Variants in GRM8 observed in about 807,000 individuals in gnomAD.
The protein encoded by GRM8 is glutamate metabotropic receptor 8.
Under a neutral mutation model 87.2 loss-of-function variants are expected in GRM8, and 47 were observed. The observed-to-expected ratio is 0.54, with a 90% confidence interval of 0.43 to 0.69. The LOEUF (loss-of-function observed/expected upper bound fraction) is 0.69. GRM8 is among the 30% of genes least tolerant of loss of function. GRM8 has a pLI of 0.00. For synonymous variants in GRM8, 396 were observed against 404.5 expected, an observed-to-expected ratio of 0.98 and a Z score of 0.25; for missense variants, 1,019 against 1,139.2, an observed-to-expected ratio of 0.89 and a Z score of 1.52.
chr7:126,674,439 C>T (rs776004964), intron 7 of GRM8, among the ~76,000 whole-genome samples: 1 of 152,184 alleles, frequency 6.6e-6, no homozygotes, highest in Non-Finnish European at 1.5e-5. Context: ...ATACTCAAAG[C>T]ATCTTAATAG....
chr7:126,845,944 T>A (rs1796679437), intron 6 of GRM8, among the ~76,000 whole-genome samples: 2 of 151,836 alleles, frequency 1.3e-5, no homozygotes, highest in Non-Finnish European at 2.9e-5. Context: ...TGGGGCTAGA[T>A]GGAGTTTGGG....
intron 7 of GRM8, among the ~76,000 whole-genome samples, chr7:126,739,515 C>CT (rs1814690170): frequency 6.6e-6 from 1 of 151,964 alleles, no homozygotes; most frequent in Admixed American, 6.6e-5. Context: ...TTTGATAAGA[C>CT]CACGGTGTTA....
chr7:127,149,709 T>C (rs554872595), intron 2 of GRM8, among the ~76,000 whole-genome samples: 1 of 151,932 alleles, frequency 6.6e-6, no homozygotes, highest in Admixed American at 6.6e-5. Context: ...GGTACAAATA[T>C]ACAATGGAAT....
chr7:126,850,988 T>G (rs532587967), intron 6 of GRM8, among the ~76,000 whole-genome samples: 7 of 152,144 alleles, frequency 4.6e-5, no homozygotes, highest in Admixed American at 3.3e-4. Flanking sequence ...CTAGTTCTTA[T>G]AGCCATGAAT....
chr7:126,751,698 T>A (rs1416606901), intron 7 of GRM8, among the ~76,000 whole-genome samples: 2 of 152,110 alleles, frequency 1.3e-5, no homozygotes, highest in Non-Finnish European at 2.9e-5. Context: ...ATAGTGAAAA[T>A]TCATAAACTA....
chr7:126,735,730 A>G (rs1008737280), intron 7 of GRM8, among the ~76,000 whole-genome samples: 1 of 152,058 alleles, frequency 6.6e-6, no homozygotes, highest in African/African-American at 2.4e-5. Flanking sequence ...AAGAAAACAC[A>G]AAGACTCTTT....
intron 6 of GRM8, among the ~76,000 whole-genome samples, chr7:126,801,053 T>C (rs981804001): frequency 6.6e-6 from 1 of 152,050 alleles, no homozygotes; most frequent in South Asian, 2.1e-4. Flanking sequence ...AGCTTATAAA[T>C]AGGATATTCA....
intron 7 of GRM8, among the ~76,000 whole-genome samples, chr7:126,696,979 CT>C (rs1333792957): frequency 6.6e-6 from 1 of 151,810 alleles, no homozygotes; most frequent in Non-Finnish European, 1.5e-5. Context: ...CTAAGTGTCC[CT>C]CAAGGGATGA....
chr7:126,500,325 T>C (rs145823981), intron 9 of GRM8, among the ~76,000 whole-genome samples: 10 of 152,124 alleles, frequency 6.6e-5, no homozygotes, highest in East Asian at 5.8e-4. Context: ...TTCTTGTTAG[T>C]TGGATTTCTG....
At chr7:127,245,421 C>A (rs1798536044) in intron 1 of GRM8, among the ~76,000 whole-genome samples, 2 of 152,164 alleles carry the variant, frequency 1.3e-5, no homozygotes, top group Admixed American at 6.5e-5. Context: ...ACCAAGCCAT[C>A]CCCCAAGTAC....
At chr7:127,216,312 A>G (rs1796524982) in intron 2 of GRM8, among the ~76,000 whole-genome samples, 1 of 151,920 alleles carries the variant, frequency 6.6e-6, no homozygotes, top group East Asian at 1.9e-4. Context: ...AGGTCAGGAG[A>G]TTCAGACCAT....
At chr7:127,024,249 T>C (rs1284442893) in intron 3 of GRM8, among the ~76,000 whole-genome samples, 1 of 152,110 alleles carries the variant, frequency 6.6e-6, no homozygotes, top group Non-Finnish European at 1.5e-5. Flanking sequence ...TTAATTAATA[T>C]GCCTGGCCCA....
In GRM8 at chr7:126,564,932, A is replaced by G. The variant is rs576518555; in HGVS notation, c.1495-31045T>C. Among the ~76,000 whole-genome samples, 281 of 152,346 alleles carry G rather than the reference A, an allele frequency of 1.8e-3. 1 individual carries two copies. The highest frequency in any genetic ancestry group is 6.8e-3 in the Middle Eastern group (2 of 294). On this transcript the variant is annotated intron_variant, in intron 8 of 10. Coordinates refer to ENST00000339582, the MANE Select transcript of GRM8 (RefSeq NM_000845.3). ...CAAGGATGGCAACATATGAAAATCA[A>G]TTAATCATTAATAAAGGATAAAAAT...
intron 9 of GRM8, among the ~76,000 whole-genome samples, chr7:126,446,840 T>C (rs1303328322): frequency 6.6e-6 from 1 of 151,970 alleles, no homozygotes; most frequent in Non-Finnish European, 1.5e-5. Context: ...ACACCTGTGC[T>C]TGAATAATGC....
intron 6 of GRM8, among the ~76,000 whole-genome samples, chr7:126,841,027 C>T (rs1446399268): frequency 1.3e-5 from 2 of 152,228 alleles, no homozygotes; most frequent in South Asian, 2.1e-4. Flanking sequence ...CATGCATTGG[C>T]AGTATGCCAG....
chr7:126,915,040 G>A (rs899049818), intron 3 of GRM8, among the ~76,000 whole-genome samples: 2 of 152,228 alleles, frequency 1.3e-5, no homozygotes, highest in African/African-American at 4.8e-5. Context: ...ATCTGGAGGT[G>A]GATCGGGTCT....
At chr7:127,074,604 A>G (rs181039918) in intron 3 of GRM8, among the ~76,000 whole-genome samples, 7 of 152,298 alleles carry the variant, frequency 4.6e-5, no homozygotes, top group Admixed American at 2.0e-4. Flanking sequence ...ATTTTCAGAC[A>G]TGCCTCTCGA....
At chr7:126,460,719 A>G (rs558644446) in intron 9 of GRM8, among the ~76,000 whole-genome samples, 1 of 151,732 alleles carries the variant, frequency 6.6e-6, no homozygotes, top group South Asian at 2.1e-4. Flanking sequence ...GAAAGAGCTA[A>G]ATACAAGAGA....
chr7:127,050,424 G>C (rs1015512180), intron 3 of GRM8, among the ~76,000 whole-genome samples: 27 of 152,198 alleles, frequency 1.8e-4, no homozygotes, highest in Non-Finnish European at 1.6e-4. Context: ...AGGTAGGAGT[G>C]AAGGTCCATT....
Sources: gnomAD v4.1 joint callset for allele counts (sites outside exome capture counted in the v4.1 genomes callset) on GRCh38, gnomAD v4.1.1 for gene constraint, MANE v1.5 for transcripts, NCBI Gene and HGNC (gene_info 2026-07-23, HGNC 2026-07-21) for gene names.